Variants in CHODL observed in about 807,000 individuals in gnomAD.
The protein encoded by CHODL is transmembrane protein MT75.
CHODL carries 29 observed loss-of-function variants against 34.5 expected under a neutral mutation model. The observed-to-expected ratio is 0.84, with a 90% confidence interval of 0.63 to 1.15. The LOEUF (loss-of-function observed/expected upper bound fraction) is 1.15, where lower values mean the gene tolerates loss of function less well. Among genes scored for constraint, CHODL ranks in the 50% most tolerant of loss-of-function variants. CHODL has a pLI of 0.00. For synonymous variants in CHODL, 125 were observed against 116.1 expected (o/e 1.08, Z -0.49); for missense variants, 332 against 332.5 (o/e 1.00, Z 0.01).
chr21:18,045,729 G>A (rs973590239), intron 2 of CHODL, among the ~76,000 whole-genome samples: 97 of 152,048 alleles, frequency 6.4e-4, no homozygotes, highest in African/African-American at 2.3e-3. Flanking sequence ...CCTTTGGGAG[G>A]TAATTAGGTC....
chr21:18,093,481 TAGAA>T (rs1339350331), intron 2 of CHODL, among the ~76,000 whole-genome samples: 1 of 142,492 alleles, frequency 7.0e-6, no homozygotes, highest in Non-Finnish European at 1.6e-5. Flanking sequence ...TTCTCTTAAG[TAGAA>T]AGAATAAATT....
At chr21:18,248,175 G>C (rs1227706242) in intron 1 of CHODL, among the ~76,000 whole-genome samples, 2 of 151,696 alleles carry the variant, frequency 1.3e-5, no homozygotes, top group African/African-American at 4.8e-5. Flanking sequence ...TTTTATTTAG[G>C]AGACTGGGTG....
At chr21:18,001,389 C>G (rs1302609782) in intron 1 of CHODL, among the ~76,000 whole-genome samples, 2 of 152,184 alleles carry the variant, frequency 1.3e-5, no homozygotes, top group Admixed American at 1.3e-4. Context: ...GGGGATGTTT[C>G]CTGTGAGTGT....
intron 2 of CHODL, among the ~76,000 whole-genome samples, chr21:18,067,784 A>G (rs988133219): frequency 2.0e-5 from 3 of 152,094 alleles, no homozygotes; most frequent in Non-Finnish European, 4.4e-5. Flanking sequence ...ATTACTTACC[A>G]TTGCTATTCC....
chr21:17,921,774 C>T (rs1474507064), intron 1 of CHODL, among the ~76,000 whole-genome samples: 4 of 152,108 alleles, frequency 2.6e-5, no homozygotes. Flanking sequence ...GTCAGGAAGG[C>T]CAGCTAGGAA....
intron 2 of CHODL, among the ~76,000 whole-genome samples, chr21:18,031,505 A>C (rs552161109): frequency 2.8e-4 from 42 of 152,188 alleles, no homozygotes; most frequent in Non-Finnish European, 4.6e-4. Flanking sequence ...GGCAGGACAG[A>C]CTTTATTTGC....
intron 2 of CHODL, among the ~76,000 whole-genome samples, chr21:18,037,044 ATTCTGGTAGCATTACC>A (rs1284217514): frequency 3.3e-5 from 5 of 151,986 alleles, no homozygotes; most frequent in Admixed American, 1.3e-4. Flanking sequence ...GGTATGAAGA[ATTCTGGTAGCATTACC>A]TTCTGGAGAT....
At chr21:18,158,902 A>G (rs933743561) in intron 2 of CHODL, among the ~76,000 whole-genome samples, 6 of 152,028 alleles carry the variant, frequency 3.9e-5, no homozygotes, top group East Asian at 3.9e-4. Flanking sequence ...TTACTCTTCA[A>G]TTTTCTTAGT....
intron 2 of CHODL, among the ~76,000 whole-genome samples, chr21:18,163,206 A>G (rs1213003495): frequency 6.6e-6 from 1 of 152,246 alleles, no homozygotes; most frequent in Non-Finnish European, 1.5e-5. Flanking sequence ...ATAAGGCAGG[A>G]AAGTGATTTA....
intron 5 of CHODL, among the ~76,000 whole-genome samples, chr21:18,263,303 C>T (rs916800841): frequency 6.6e-6 from 1 of 152,112 alleles, no homozygotes; most frequent in Non-Finnish European, 1.5e-5. Flanking sequence ...ATATGTAAGA[C>T]TTGATATTTG....
intron 1 of CHODL, among the ~76,000 whole-genome samples, chr21:18,017,713 C>G (rs1442636985): frequency 6.6e-6 from 1 of 152,176 alleles, no homozygotes; most frequent in Admixed American, 6.5e-5. Context: ...GGGTTGGAGG[C>G]CCCACACAGT....
At chr21:18,126,224 A>C (rs930973744) in intron 2 of CHODL, among the ~76,000 whole-genome samples, 1 of 152,236 alleles carries the variant, frequency 6.6e-6, no homozygotes, top group Non-Finnish European at 1.5e-5. Context: ...ATCTACATCG[A>C]GGAAAGATGC....
chr21:18,197,488 T>G (rs2073603097), intron 2 of CHODL, among the ~76,000 whole-genome samples: 1 of 152,110 alleles, frequency 6.6e-6, no homozygotes, highest in Non-Finnish European at 1.5e-5. Context: ...TGGTGGTGCA[T>G]GCCTGTAATC....
chr21:18,159,918 A>T (rs2073076576), intron 2 of CHODL, among the ~76,000 whole-genome samples: 1 of 152,220 alleles, frequency 6.6e-6, no homozygotes, highest in Admixed American at 6.5e-5. Context: ...AAGGAACTGG[A>T]TTCTAAGAGT....
chr21:18,201,545 T>G (rs1158981842), intron 2 of CHODL, among the ~76,000 whole-genome samples: 2 of 152,030 alleles, frequency 1.3e-5, no homozygotes, highest in African/African-American at 4.8e-5. Context: ...AAACATTTCA[T>G]AGAGACTTAT....
At chr21:18,210,040 C>T (rs1261598297) in intron 2 of CHODL, among the ~76,000 whole-genome samples, 1 of 152,112 alleles carries the variant, frequency 6.6e-6, no homozygotes, top group Non-Finnish European at 1.5e-5. Flanking sequence ...GGCTCTGAGC[C>T]CCGCACAACA....
At chr21:17,976,394 A>T (rs1209834206) in intron 1 of CHODL, among the ~76,000 whole-genome samples, 1 of 151,994 alleles carries the variant, frequency 6.6e-6, no homozygotes. Flanking sequence ...TTTGAATCAT[A>T]ATGTGTCATT....
chr21:18,037,304 T>A (rs1356739307), intron 2 of CHODL, among the ~76,000 whole-genome samples: 1 of 151,878 alleles, frequency 6.6e-6, no homozygotes, highest in Non-Finnish European at 1.5e-5. Context: ...TTAAAAAATT[T>A]TAGGTGTGGA....
intron 2 of CHODL, among the ~76,000 whole-genome samples, chr21:18,221,421 G>T (rs1197900161): frequency 6.6e-6 from 1 of 151,926 alleles, no homozygotes; most frequent in Non-Finnish European, 1.5e-5. Context: ...AAAAACTATT[G>T]TGTTCTCTTG....
Sources: allele counts gnomAD v4.1 joint callset (sites outside exome capture counted in the v4.1 genomes callset), GRCh38; gene constraint gnomAD v4.1.1; transcripts MANE v1.5; gene names NCBI Gene and HGNC (gene_info 2026-07-23, HGNC 2026-07-21).